The following ARMH4 variants were observed in gnomAD, a reference collection of about 807,000 sequenced individuals.
The protein encoded by ARMH4 is armadillo-like helical domain-containing protein 4.
ARMH4 carries 49 observed loss-of-function variants against 61.9 expected under a neutral mutation model. That is an observed-to-expected ratio of 0.79 (90% confidence interval 0.63 to 1.00). The LOEUF (loss-of-function observed/expected upper bound fraction) is 1.00. Ranked by LOEUF, ARMH4 falls within the 50% of genes least tolerant of loss-of-function variation. ARMH4 has a pLI of 0.00. For missense variants in ARMH4, 934 were observed against 930.0 expected (o/e 1.00, Z -0.06); for synonymous variants, 368 against 341.5 (o/e 1.08, Z -0.85).
chr14:58,143,754 G>A (rs1887641192), intron 1 of ARMH4, among the ~76,000 whole-genome samples: 4 of 136,974 alleles, frequency 2.9e-5, no homozygotes, highest in South Asian at 2.4e-4. Context: ...ATGAGCCACC[G>A]TGCCCATCCT....
intron 4 of ARMH4, among the ~76,000 whole-genome samples, chr14:58,106,012 G>C (rs1886155906): frequency 6.6e-6 from 1 of 152,120 alleles, no homozygotes; most frequent in Non-Finnish European, 1.5e-5. Flanking sequence ...CAGGAAGAAT[G>C]GTTTCTAAGT....
intron 4 of ARMH4, among the ~76,000 whole-genome samples, chr14:58,108,028 A>T (rs1886224493): frequency 2.0e-5 from 3 of 152,166 alleles, no homozygotes; most frequent in Admixed American, 2.0e-4. Context: ...AGCCCTAGAA[A>T]TGACACTGCT....
chr14:58,026,177 T>C (rs150059671), intron 5 of ARMH4, among the ~76,000 whole-genome samples: 83 of 152,104 alleles, frequency 5.5e-4, no homozygotes, highest in African/African-American at 2.0e-3. Flanking sequence ...ACTTCAACCA[T>C]AGGGAAATAT....
chr14:58,147,209 G>T (rs1887761292), intron 1 of ARMH4, among the ~76,000 whole-genome samples: 1 of 151,758 alleles, frequency 6.6e-6, no homozygotes, highest in African/African-American at 2.4e-5. Flanking sequence ...ATCTCTTTTG[G>T]AATTGTAACT....
At position 58,138,169 on chromosome 14, in the gene ARMH4, G is replaced by C. The variant is rs754302637; in HGVS notation, c.1190C>G (p.Ser397Cys). Residue 397 changes from serine (S) to cysteine (C), a missense_variant, in exon 2 of 8, where the codon TCC becomes TGC. Coordinates refer to ENST00000267485, the MANE Select transcript of ARMH4 (RefSeq NM_001001872.4). ...ERSPAFTDQSSFTPTSLMEDM... is the reference protein window; with the variant it reads ...ERSPAFTDQSCFTPTSLMEDM... ...TTCCATCAGACTTGTGGGGGTAAAG[G>C]AACTTTGATCAGTGAAAGCAGGTGA... 24 of 1,614,004 alleles carry C rather than the reference G, an allele frequency of 1.5e-5. No individual in the cohort carries two copies. Among genetic ancestry groups the C allele is most frequent in the South Asian group, 6.6e-5 (6 of 91,082 alleles).
chr14:58,081,136 C>T (rs752181606), intron 5 of ARMH4, among the ~76,000 whole-genome samples: 1 of 131,892 alleles, frequency 7.6e-6, no homozygotes, highest in Non-Finnish European at 1.7e-5. Context: ...TAAAGAGTCT[C>T]TCTTACTCTC....
At chr14:58,089,091 A>G (rs368451690) in intron 5 of ARMH4, among the ~76,000 whole-genome samples, 39 of 152,302 alleles carry the variant, frequency 2.6e-4, no homozygotes, top group African/African-American at 7.5e-4. Context: ...GCTTTAGCCA[A>G]TCTACCATCT....
At chr14:58,049,703 C>G (rs924169066) in intron 5 of ARMH4, among the ~76,000 whole-genome samples, 1 of 148,656 alleles carries the variant, frequency 6.7e-6, no homozygotes, top group Admixed American at 6.7e-5. Context: ...GTGGCTGTCA[C>G]AAAAAAAAAT....
At chr14:58,145,756 A>G (rs1356594769) in intron 1 of ARMH4, among the ~76,000 whole-genome samples, 1 of 152,230 alleles carries the variant, frequency 6.6e-6, no homozygotes, top group Non-Finnish European at 1.5e-5. Context: ...CCCCTTTTCA[A>G]AGGCATTGAT....
chr14:58,120,139 T>C (rs1433887648), intron 4 of ARMH4, among the ~76,000 whole-genome samples: 1 of 152,114 alleles, frequency 6.6e-6, no homozygotes, highest in Admixed American at 6.5e-5. Flanking sequence ...GCTCCAAACA[T>C]GTACAGCATG....
chr14:58,098,254 A>T (rs2141266121), intron 4 of ARMH4, among the ~76,000 whole-genome samples: 1 of 150,196 alleles, frequency 6.7e-6, no homozygotes, highest in East Asian at 1.9e-4. Flanking sequence ...AATCACCTTT[A>T]ATCTTTTTTT....
At chr14:58,005,352 C>CAG (rs987977887) in intron 6 of ARMH4, among the ~76,000 whole-genome samples, 170 bp from the exon 7 acceptor site, 117 of 152,216 alleles carry the variant, frequency 7.7e-4, no homozygotes, top group African/African-American at 2.5e-3. Context: ...GAGAAGGCAA[C>CAG]AGAGAGAGAG....
At chr14:58,011,922 G>A (rs1882423407) in intron 6 of ARMH4, among the ~76,000 whole-genome samples, 197 bp downstream of exon 6, 1 of 152,124 alleles carries the variant, frequency 6.6e-6, no homozygotes, top group Admixed American at 6.5e-5. Flanking sequence ...CAAAGAATAA[G>A]GTGTCTCCTG....
At chr14:58,135,643 A>C (rs2139969994) in intron 2 of ARMH4, among the ~76,000 whole-genome samples, 1 of 152,178 alleles carries the variant, frequency 6.6e-6, no homozygotes, top group African/African-American at 2.4e-5. Context: ...TAGGAGAAAA[A>C]ATAATTATAT....
intron 5 of ARMH4, among the ~76,000 whole-genome samples, chr14:58,076,370 G>C (rs1255418257): frequency 6.6e-6 from 1 of 152,142 alleles, no homozygotes; most frequent in Non-Finnish European, 1.5e-5. Flanking sequence ...GTTATTTAAA[G>C]CAATCCAACC....
intron 2 of ARMH4, among the ~76,000 whole-genome samples, chr14:58,134,679 A>G (rs8012764): frequency 0.16 from 24,323 of 152,114 alleles, 3,241 homozygotes; most frequent in African/African-American, 0.37. Context: ...ATGACAGGCC[A>G]GGCACGGTGG....
chr14:58,087,859 T>G (rs964455737), intron 5 of ARMH4, among the ~76,000 whole-genome samples: 8 of 152,222 alleles, frequency 5.3e-5, no homozygotes, highest in African/African-American at 1.9e-4. Context: ...TATCTAGAAC[T>G]GTTCATCAGA....
At chr14:58,046,121 T>C (rs1883931591) in intron 5 of ARMH4, among the ~76,000 whole-genome samples, 1 of 152,162 alleles carries the variant, frequency 6.6e-6, no homozygotes, top group African/African-American at 2.4e-5. Flanking sequence ...AGGAAAGTAG[T>C]ATAATACAAT....
chr14:58,125,248 A>G (rs996714010), intron 4 of ARMH4, among the ~76,000 whole-genome samples: 11 of 152,128 alleles, frequency 7.2e-5, no homozygotes, highest in Non-Finnish European at 4.4e-5. Context: ...CCCACTACTC[A>G]GCAGGAAAAA....
Sources: gnomAD v4.1 joint callset for allele counts (sites outside exome capture counted in the v4.1 genomes callset) on GRCh38, gnomAD v4.1.1 for gene constraint, MANE v1.5 for transcripts, NCBI Gene and HGNC (gene_info 2026-07-23, HGNC 2026-07-21) for gene names.